Variants in KCNQ2 observed in about 807,000 individuals in gnomAD.
KCNQ2 encodes potassium voltage-gated channel subfamily Q member 2, also known as potassium voltage-gated channel subfamily KQT member 2.
KCNQ2 carries 14 observed loss-of-function variants against 84.8 expected under a neutral mutation model. The observed-to-expected ratio is 0.17, with a 90% CI of 0.11 to 0.26. The LOEUF is 0.26. Ranked by LOEUF, KCNQ2 falls within the 10% of genes least tolerant of loss-of-function variation. KCNQ2 has a pLI of 1.00. For synonymous variants in KCNQ2, 599 were observed against 554.1 expected (o/e 1.08, Z -1.14); for missense variants, 788 against 1,254.0 (o/e 0.63, Z 5.61).
intron 4 of KCNQ2, 142 bp from the exon 5 acceptor site, chr20:63,442,673 A>ACCACCATCT (rs2081206833): frequency 1.5e-6 from 1 of 655,406 alleles, no homozygotes; most frequent in African/African-American, 2.2e-5. Flanking sequence ...CACCACCACC[A>ACCACCATCT]CCACCACCAC....
At chr20:63,413,172 TACAC>T (rs150283013) in intron 15 of KCNQ2, 16 of 493,588 alleles carry the variant, frequency 3.2e-5, no homozygotes, top group South Asian at 6.3e-5. Flanking sequence ...ATGCGTGACT[TACAC>T]ACACACACAT....
In KCNQ2 at chr20:63,452,406, T is replaced by G. The variant is rs144297141; in HGVS notation, c.297-5569A>C. 5.8e-3 allele frequency among the ~76,000 whole-genome samples: 881 copies of G among 152,218 alleles called. 73 individuals carry two copies. In the South Asian group the frequency reaches 0.17, roughly 29 times the overall value. On this transcript the variant is annotated intron_variant, in intron 1 of 16. Transcript: ENST00000359125. ...TTCTTCCGGAAACCTCAGTCTTTGC[T>G]CTCAAGGCCTCAGCTGCTGGGACGA... is the stretch of plus-strand genomic sequence containing the variant.
intron 1 of KCNQ2, among the ~76,000 whole-genome samples, chr20:63,469,002 A>C (rs1231515599): frequency 1.3e-5 from 2 of 152,214 alleles, no homozygotes; most frequent in East Asian, 3.9e-4. Flanking sequence ...GTCCGCACCC[A>C]GCGGGAACAG....
chr20:63,432,602 CT>C (rs1568913943), intron 8 of KCNQ2, among the ~76,000 whole-genome samples: 3 of 108,714 alleles, frequency 2.8e-5, no homozygotes, highest in African/African-American at 8.8e-5. Context: ...ACAGGGAAGG[CT>C]CCACCCACAG....
chr20:63,422,950 CA>C (rs1021202587), intron 11 of KCNQ2, among the ~76,000 whole-genome samples: 6 of 152,140 alleles, frequency 3.9e-5, no homozygotes, highest in Non-Finnish European at 7.4e-5. Context: ...AAATCACAGC[CA>C]AGGGTGCCCA....
At chr20:63,433,657 G>A (rs1315386817) in intron 8 of KCNQ2, 152 bp downstream of exon 8, 16 of 1,460,116 alleles carry the variant, frequency 1.1e-5, no homozygotes, top group South Asian at 2.3e-5. Flanking sequence ...GCAACGCCTC[G>A]AAATAAACCA....
intron 9 of KCNQ2, among the ~76,000 whole-genome samples, chr20:63,429,467 G>C (rs1233482389): frequency 1.3e-5 from 2 of 152,070 alleles, no homozygotes; most frequent in Admixed American, 6.5e-5. Context: ...TCACCCAGCT[G>C]ACTCCCTACG....
chr20:63,445,178 T>C, intron 3 of KCNQ2, 60 bp downstream of exon 3: 1 of 1,608,650 alleles, frequency 6.2e-7, no homozygotes. Flanking sequence ...CCCCCAGGGC[T>C]GAGTCCGTCC....
intron 12 of KCNQ2, among the ~76,000 whole-genome samples, chr20:63,417,963 C>T (rs1476605825): frequency 3.9e-5 from 6 of 152,126 alleles, no homozygotes; most frequent in Non-Finnish European, 7.4e-5. Flanking sequence ...TCCCGGGTCT[C>T]GGGCTCCGCT....
At chr20:63,466,051 C>A (rs2082073625) in intron 1 of KCNQ2, among the ~76,000 whole-genome samples, 1 of 152,168 alleles carries the variant, frequency 6.6e-6, no homozygotes, top group East Asian at 1.9e-4. Flanking sequence ...AACCTGCCCA[C>A]AGTGGTTTCT....
chr20:63,436,525 C>T (rs1319527229), intron 7 of KCNQ2, among the ~76,000 whole-genome samples: 1 of 149,052 alleles, frequency 6.7e-6, no homozygotes, highest in Non-Finnish European at 1.5e-5. Flanking sequence ...AGCGAGACTC[C>T]GTCTCAAAAA....
At chr20:63,415,590 C>T (rs2080274398) in intron 12 of KCNQ2, among the ~76,000 whole-genome samples, 1 of 152,044 alleles carries the variant, frequency 6.6e-6, no homozygotes, top group Non-Finnish European at 1.5e-5. Context: ...GCAGCAAGCT[C>T]CCCCGGCTGG....
At chr20:63,470,479 G>A (rs2145912556) in intron 1 of KCNQ2, among the ~76,000 whole-genome samples, 1 of 152,358 alleles carries the variant, frequency 6.6e-6, no homozygotes, top group South Asian at 2.1e-4. Flanking sequence ...TCAGGAGGCA[G>A]AGACAGGAAG....
intron 11 of KCNQ2, among the ~76,000 whole-genome samples, chr20:63,421,189 G>C (rs2080460272): frequency 6.6e-6 from 1 of 152,206 alleles, no homozygotes; most frequent in Non-Finnish European, 1.5e-5. Flanking sequence ...CCTTGACCAA[G>C]AGGCCCCTCC....
intron 2 of KCNQ2, 86 bp from the exon 3 acceptor site, chr20:63,445,450 C>T (rs995862539): frequency 6.6e-7 from 1 of 1,514,720 alleles, no homozygotes; most frequent in Non-Finnish European, 9.0e-7. Context: ...GCAGTTCTGG[C>T]CCAGGGACCA....
chr20:63,453,346 G>A (rs6010941), intron 1 of KCNQ2, among the ~76,000 whole-genome samples: 1,831 of 152,368 alleles, frequency 0.012, 40 homozygotes, highest in African/African-American at 0.042. Flanking sequence ...CAGTGGTGCC[G>A]AGGCCCAGGC....
intron 1 of KCNQ2, among the ~76,000 whole-genome samples, chr20:63,463,055 CTGTGTGTGTGTGTG>C (rs10532345): frequency 2.0e-5 from 3 of 148,018 alleles, no homozygotes; most frequent in South Asian, 2.2e-4. Flanking sequence ...GGTGTCTTTT[CTGTGTGTGTGTGTG>C]TGTGTGTGTG....
chr20:63,436,081 T>C (rs954193497), intron 7 of KCNQ2, among the ~76,000 whole-genome samples: 3 of 151,986 alleles, frequency 2.0e-5, no homozygotes, highest in East Asian at 3.8e-4. Context: ...ATAAACTTAG[T>C]TGATACAGCA....
At position 63,414,038 on chromosome 20, in the gene KCNQ2, G is replaced by T; in HGVS notation, c.1631+50C>A. Reference sequence around the variant, plus strand: ...CCGGCAGCAGGCAGGACCACCGAGCGGGAGGCCCCTCCTCACTCCCCCAGG... The same window carrying T: ...CCGGCAGCAGGCAGGACCACCGAGCTGGAGGCCCCTCCTCACTCCCCCAGG... On this transcript the variant is annotated intron_variant, in intron 14 of 16. Transcript: ENST00000359125. The surrounding 1 kb of genome is among the most constrained non-coding windows in gnomAD (Gnocchi z 6.6). The T allele has an allele frequency of 1.4e-6, 2 of 1,379,372 alleles. No homozygotes were observed. Among genetic ancestry groups the T allele is most frequent in the Admixed American group, 1.7e-5 (1 of 59,658 alleles). 85.4% of individuals were successfully genotyped at this position (1,379,372 alleles called of 1,614,324 possible).
Sources: gnomAD v4.1 joint callset for allele counts (sites outside exome capture counted in the v4.1 genomes callset) on GRCh38, gnomAD v4.1.1 for gene constraint, Gnocchi (gnomAD v3.1) non-coding constraint, MANE v1.5 for transcripts, NCBI Gene and HGNC (gene_info 2026-07-23, HGNC 2026-07-21) for gene names.